DYNC2LI1: variants seen among roughly 807,000 people sequenced by gnomAD.
DYNC2LI1 encodes dynein cytoplasmic 2 light intermediate chain 1.
Under a neutral mutation model 51.9 loss-of-function variants are expected in DYNC2LI1, and 45 were observed. The ratio of observed to expected loss-of-function variants is 0.87; its 90% CI spans 0.68 to 1.11. DYNC2LI1 has a LOEUF of 1.11. Among genes scored for constraint, DYNC2LI1 ranks in the 50% most tolerant of loss-of-function variants. DYNC2LI1 has a pLI of 0.00. For synonymous variants in DYNC2LI1, 130 were observed against 137.8 expected (o/e 0.94, Z 0.40); for missense variants, 490 against 417.4 (o/e 1.17, Z -1.51).
chr2:43,777,835 T>C (rs1673094611), intron 2 of DYNC2LI1, among the ~76,000 whole-genome samples: 1 of 152,162 alleles, frequency 6.6e-6, no homozygotes. Context: ...TTACATATAT[T>C]GGGAGAAATA....
chr2:43,798,549 C>T (rs1232871063), intron 8 of DYNC2LI1, among the ~76,000 whole-genome samples: 1 of 152,176 alleles, frequency 6.6e-6, no homozygotes, highest in Non-Finnish European at 1.5e-5. Flanking sequence ...CCCTGTATTT[C>T]TTTAGGAACA....
At chr2:43,822,982 G>GA in the DYNC2LI1 span, 2 of 1,608,622 alleles carry the variant, frequency 1.2e-6, no homozygotes, top group Non-Finnish European at 1.7e-6. Context: ...CCACCCAGCT[G>GA]AAAAAGGGAG....
chr2:43,810,007 C>T lies in DYNC2LI1; in HGVS notation c.*240C>T. On this transcript the variant is annotated 3_prime_UTR_variant, in exon 13 of 13. Coordinates refer to ENST00000260605, the MANE Select transcript of DYNC2LI1 (RefSeq NM_016008.4). ...TAAAAGAATCTTCTACTACCTACCT[C>T]TAACATGTTTAAGTGGTATATACTC... 1 of 1,126,288 alleles carries T rather than the reference C, an allele frequency of 8.9e-7. No homozygotes were observed. Among genetic ancestry groups the T allele is most frequent in the Non-Finnish European group, 1.1e-6 (1 of 881,908 alleles). 69.8% of individuals were successfully genotyped at this position (1,126,288 alleles called of 1,614,324 possible). A position where few individuals can be genotyped will look rare whatever the true frequency, so the allele number is the denominator to read the frequency against.
chr2:43,791,853 G>T (rs1673809657), intron 5 of DYNC2LI1, among the ~76,000 whole-genome samples: 1 of 152,066 alleles, frequency 6.6e-6, no homozygotes, highest in African/African-American at 2.4e-5. Context: ...CTGAATCTCT[G>T]TTTTAGGAGT....
At chr2:43,824,911 A>C in the DYNC2LI1 span, 1 of 1,614,132 alleles carries the variant, frequency 6.2e-7, no homozygotes. Context: ...AAGGGTTTGA[A>C]TGTTCAGGAC....
At position 43,783,125 on chromosome 2, in the gene DYNC2LI1, TTTTC is replaced by T. The variant is rs150116821; in HGVS notation, c.127-391_127-388del. On this transcript the variant is annotated intron_variant, in intron 2 of 12. Transcript: ENST00000260605. ...TGTGTCCTTTATTTGTATGTTACCT[TTTTC>T]TTTATTTCCACTTCAACAATTGGAA... 6.4e-3 allele frequency among the ~76,000 whole-genome samples: 968 copies of T among 152,350 alleles called. 10 individuals are homozygous for T. The highest frequency in any genetic ancestry group is 0.022 in the African/African-American group (905 of 41,574).
chr2:43,823,488 T>C, the DYNC2LI1 span, among the ~76,000 whole-genome samples: 3 of 152,080 alleles, frequency 2.0e-5, no homozygotes, highest in Non-Finnish European at 4.4e-5. Flanking sequence ...GGCAACCAGG[T>C]TTTGTCTCTG....
chr2:43,802,374 GTT>G (rs755071472), intron 10 of DYNC2LI1, among the ~76,000 whole-genome samples: 72 of 135,478 alleles, frequency 5.3e-4, no homozygotes, highest in African/African-American at 1.7e-3. Context: ...GGGCAGTAGG[GTT>G]TTTTTTTTTT....
chr2:43,781,043 A>G (rs193232412), intron 2 of DYNC2LI1, among the ~76,000 whole-genome samples: 3 of 152,262 alleles, frequency 2.0e-5, no homozygotes, highest in African/African-American at 7.2e-5. Context: ...GTTACCATAT[A>G]GTGCTATACA....
At chr2:43,776,966 T>C in intron 2 of DYNC2LI1, 67 bp downstream of exon 2, 1 of 835,342 alleles carries the variant, frequency 1.2e-6, no homozygotes, top group Non-Finnish European at 1.9e-6. Context: ...CTGTTAATAC[T>C]TTGATTAAAA....
chr2:43,821,780 T>A, the DYNC2LI1 span, among the ~76,000 whole-genome samples: 2 of 152,118 alleles, frequency 1.3e-5, no homozygotes, highest in African/African-American at 4.8e-5. Context: ...CTTCCCAATT[T>A]CAATCTCTCT....
At chr2:43,800,181 G>T (rs1666027998) in intron 8 of DYNC2LI1, among the ~76,000 whole-genome samples, 1 of 152,098 alleles carries the variant, frequency 6.6e-6, no homozygotes, top group South Asian at 2.1e-4. Flanking sequence ...ATATGTCCTG[G>T]TATTCATCTG....
At chr2:43,777,297 G>A (rs1049830937) in intron 2 of DYNC2LI1, among the ~76,000 whole-genome samples, 8 of 152,144 alleles carry the variant, frequency 5.3e-5, no homozygotes, top group Admixed American at 3.9e-4. Flanking sequence ...ATTTGTTACA[G>A]GGTTATTAAT....
intron 6 of DYNC2LI1, chr2:43,795,055 A>C: frequency 1.9e-6 from 2 of 1,036,396 alleles, no homozygotes; most frequent in Non-Finnish European, 2.3e-6. Flanking sequence ...TGTATTTTAC[A>C]TTCATTTCGT....
the DYNC2LI1 span, chr2:43,824,507 A>C: frequency 6.2e-7 from 1 of 1,600,028 alleles, no homozygotes. Context: ...CAATTGGTAC[A>C]GGAGTACTGG....
At chr2:43,815,747 G>T in the DYNC2LI1 span, among the ~76,000 whole-genome samples, 20 of 152,128 alleles carry the variant, frequency 1.3e-4, no homozygotes, top group Admixed American at 1.3e-4. Context: ...TGGGAGGGGA[G>T]CTCGGAACAA....
the DYNC2LI1 span, chr2:43,825,045 G>A: frequency 1.9e-6 from 3 of 1,612,198 alleles, no homozygotes; most frequent in Non-Finnish European, 2.5e-6. Context: ...CGTAGTTAGT[G>A]TGTGATCACA....
intron 12 of DYNC2LI1, among the ~76,000 whole-genome samples, chr2:43,807,658 A>C (rs1043861804): frequency 6.8e-6 from 1 of 147,214 alleles, no homozygotes; most frequent in East Asian, 2.0e-4. Flanking sequence ...GCCTAAAGCA[A>C]TCCTCCTGAG....
At position 43,794,588 on chromosome 2, in the gene DYNC2LI1, A is replaced by G. The variant is rs1250245431; in HGVS notation, c.452A>G (p.Lys151Arg). ...VIMKLGKTNA[K>R]AVSEMRQKIW... ...ATGAAACTGGGAAAGACAAATGCTA[A>G]AGCAGTTTCTGAAATGAGACAGAAG... The change falls in exon 6 of 13, where the codon AAA becomes AGA. Residue 151 changes from lysine to arginine, a missense_variant. Transcript: ENST00000260605. 6.2e-7 allele frequency: 1 copy of G among 1,614,010 alleles called. No individual in the cohort carries two copies. The highest frequency in any genetic ancestry group is 2.2e-5 in the East Asian group (1 of 44,856).
Sources: gnomAD v4.1 joint callset for allele counts (sites outside exome capture counted in the v4.1 genomes callset) on GRCh38, gnomAD v4.1.1 for gene constraint, MANE v1.5 for transcripts, NCBI Gene and HGNC (gene_info 2026-07-23, HGNC 2026-07-21) for gene names.